Variants in SEMA3G observed in about 807,000 individuals in gnomAD.
SEMA3G encodes semaphorin-3G.
A neutral mutation model predicts 86.2 loss-of-function variants in SEMA3G; 70 were observed. The observed-to-expected ratio is 0.81, with a 90% CI of 0.67 to 0.99. SEMA3G has a LOEUF of 0.99. SEMA3G is among the 50% of genes least tolerant of loss of function. The pLI, the probability that SEMA3G is intolerant of heterozygous loss-of-function variation, is 0.00. For missense variants in SEMA3G, 1,002 were observed against 1,072.4 expected, an observed-to-expected ratio of 0.93 and a Z score of 0.92; for synonymous variants, 416 against 441.4, an observed-to-expected ratio of 0.94 and a Z score of 0.72.
intron 13 of SEMA3G, chr3:52,438,420 T>A: frequency 5.1e-6 from 5 of 985,370 alleles, no homozygotes; most frequent in Non-Finnish European, 6.0e-6. Flanking sequence ...AGACCTGGGA[T>A]GTTTTCTCTA....
chr3:52,435,990 G>A lies in SEMA3G; in HGVS notation c.1962C>T (p.Thr654=), dbSNP rs201353450. The change falls in exon 16 of 16, where the codon ACC becomes ACT. Residue 654 remains threonine (T), a synonymous_variant. Transcript: ENST00000231721. ...AGAAGCCATGCTCCAGAGTGGTGCAGGTGTAGGTGCCCGCATCGAAACGGC... is the reference window on the plus strand; with the variant it reads ...AGAAGCCATGCTCCAGAGTGGTGCAAGTGTAGGTGCCCGCATCGAAACGGC... ...RLSRFDAGTY[T]CTTLEHGFSQ... is the part of the protein sequence containing the mutation. The A allele has an allele frequency of 6.2e-7, 1 of 1,613,940 alleles. No homozygotes were observed. The highest frequency in any genetic ancestry group is 8.5e-7 in the Non-Finnish European group (1 of 1,180,038).
intron 15 of SEMA3G, among the ~76,000 whole-genome samples, chr3:52,436,759 G>T (rs2153229563): frequency 6.6e-6 from 1 of 152,344 alleles, no homozygotes; most frequent in Middle Eastern, 3.4e-3. Flanking sequence ...GGGGTGGATT[G>T]CTTGAGCCAT....
chr3:52,441,816 C>G lies in SEMA3G; in HGVS notation c.550+3G>C, dbSNP rs1559611645. 1 of 1,607,876 alleles carries G rather than the reference C, an allele frequency of 6.2e-7. No individual in the cohort carries two copies. The highest frequency in any genetic ancestry group is 8.5e-7 in the Non-Finnish European group (1 of 1,177,074). ...TTCTCACCCTGGCCTGGGCATCACC[C>G]ACCTATGAAGGTGCTGGCAAAGGGA... is the stretch of plus-strand genomic sequence containing the variant. On this transcript the variant is annotated splice_donor_region_variant and intron_variant, in intron 5 of 15. Coordinates refer to ENST00000231721, the MANE Select transcript of SEMA3G (RefSeq NM_020163.3).
rs1472298459 is a variant in SEMA3G at position 52,440,281 on chromosome 3, C to T, written c.1143+96G>A. 9.5e-6 allele frequency: 13 copies of T among 1,374,056 alleles called. No homozygotes were observed. In the East Asian group the frequency reaches 2.4e-4, roughly 25 times the overall value. The allele number at this position is 1,374,056 out of a possible 1,614,324, so 85.1% of individuals were successfully genotyped here. ...CCCAGGCTTGGCCAACGTCCGCTGC[C>T]GTGGGGGTGCATGGGGACATGAGGC... On this transcript the variant is annotated intron_variant, in intron 10 of 15. Coordinates refer to ENST00000231721, the MANE Select transcript of SEMA3G (RefSeq NM_020163.3).
In SEMA3G at chr3:52,442,752, G is replaced by A. The variant is rs145924362; in HGVS notation, c.271C>T (p.Arg91Trp). Reference sequence around the variant, plus strand: ...TCCCTGCCAGTCCAGCTCACCTCCCGGGGATCTGGCCATGCCTGGTCCAGC... The same window carrying A: ...TCCCTGCCAGTCCAGCTCACCTCCCAGGGATCTGGCCATGCCTGGTCCAGC... ...LRLDQAWPDP[R>W]EVLWPPQPGQ... Residue 91 changes from arginine to tryptophan, a missense_variant, in exon 2 of 16, where the codon CGG becomes TGG. Coordinates refer to ENST00000231721, the MANE Select transcript of SEMA3G (RefSeq NM_020163.3). The surrounding 1 kb of genome is among the most constrained non-coding windows in gnomAD (Gnocchi z 6.1). 1,365 of 1,613,808 alleles carry A rather than the reference G, an allele frequency of 8.5e-4. 1 individual carries two copies. The highest frequency in any genetic ancestry group is 1.0e-3 in the Non-Finnish European group (1,207 of 1,179,866).
rs567932451 is a variant in SEMA3G at position 52,437,398 on chromosome 3, C to A, written c.1878+129G>T. On this transcript the variant is annotated intron_variant, in intron 15 of 15. Transcript: ENST00000231721. ...TTCTAGGCACCCCAGGAGCCTAATA[C>A]AAACTTTTTTTAGGTTAATCTTGGC... The A allele has an allele frequency of 3.6e-5, 39 of 1,082,548 alleles. No individual in the cohort carries two copies. The African/African-American group carries it at 5.7e-4, about 16-fold the overall frequency. The allele number at this position is 1,082,548 out of a possible 1,614,324, so 67.1% of individuals were successfully genotyped here.
At position 52,440,774 on chromosome 3, in the gene SEMA3G, G is replaced by T; in HGVS notation, c.978C>A (p.Tyr326Ter). The T allele has an allele frequency of 6.2e-7, 1 of 1,613,088 alleles. No homozygotes were observed. Among genetic ancestry groups the T allele is most frequent in the Non-Finnish European group, 8.5e-7 (1 of 1,179,974 alleles). Residue 326 changes from tyrosine (Y) to a stop codon, truncating the protein, a stop_gained, in exon 9 of 16, where the codon TAC (tyrosine) becomes TAA (stop). Coordinates refer to ENST00000231721, the MANE Select transcript of SEMA3G (RefSeq NM_020163.3). LOFTEE classifies it high-confidence loss of function. ...CCCACCTGACGGTGCTGAACAGCGC[G>T]TACACCTCGAGGCTCTTCCCGGCCT... Reference protein sequence around the residue: ...WPKAGKSLEVYALFSTVSAVF... With the variant: ...WPKAGKSLEV
Position 52,441,688 on chromosome 3 carries a change from C to T in SEMA3G, c.553G>A (p.Gly185Arg), listed in dbSNP as rs775842371. 6.8e-5 allele frequency: 110 copies of T among 1,612,732 alleles called. No homozygotes were observed. The highest frequency in any genetic ancestry group is 8.6e-5 in the Non-Finnish European group (101 of 1,179,302). ...GCAGTGAGACCCGTGTACAGCTCCC[C>T]GTCTGGGGTGGGGGTTGGGGAACAG... The part of the protein sequence containing the change: ...SRPFASTFID[G>R]ELYTGLTADF... Residue 185 changes from glycine to arginine, a missense_variant and splice_region_variant, in exon 6 of 16, where the codon GGG becomes AGG. Coordinates refer to ENST00000231721, the MANE Select transcript of SEMA3G (RefSeq NM_020163.3).
rs760223237 is a variant in SEMA3G at position 52,435,737 on chromosome 3, C to T, written c.2215G>A (p.Gly739Ser). 20 of 1,613,994 alleles carry T rather than the reference C, an allele frequency of 1.2e-5. No individual in the cohort carries two copies. The East Asian group carries it at 4.2e-4, about 34-fold the overall frequency. Residue 739 changes from glycine to serine, a missense_variant, in exon 16 of 16, where the codon GGC (glycine) becomes AGC (serine). Coordinates refer to ENST00000231721, the MANE Select transcript of SEMA3G (RefSeq NM_020163.3). ...VWCRGTTECS[G>S]CFRSRSRGKQ... ...CCCCGGCTCCGGCTCCGGAAGCAGC[C>T]TGAGCATTCCGTGGTGCCCCTGCAC...
At chr3:52,443,003 C>G (rs1376783871) in intron 1 of SEMA3G, 96 bp from the exon 2 acceptor site, 1 of 1,546,430 alleles carries the variant, frequency 6.5e-7, no homozygotes, top group Non-Finnish European at 8.7e-7. Flanking sequence ...GCATCCACCC[C>G]TGACACACTC....
chr3:52,437,247 A>C (rs2153229574), intron 15 of SEMA3G, among the ~76,000 whole-genome samples: 1 of 152,238 alleles, frequency 6.6e-6, no homozygotes, highest in Non-Finnish European at 1.5e-5. Context: ...CATGTGTGTA[A>C]ACATGGGAGA....
In SEMA3G at chr3:52,443,091, G is replaced by A. The variant is rs1232426560; in HGVS notation, c.116-184C>T. On this transcript the variant is annotated intron_variant, in intron 1 of 15. Coordinates refer to ENST00000231721, the MANE Select transcript of SEMA3G (RefSeq NM_020163.3). ...GCTCCTGGGGACAGGTGGGACGGGA[G>A]GCTCAGAGCCTCCCACCTGGCCCAG... 4 of 1,522,460 alleles carry A rather than the reference G, an allele frequency of 2.6e-6. No individual in the cohort carries two copies. The South Asian group carries it at 3.6e-5, about 14-fold the overall frequency. 94.3% of individuals were successfully genotyped at this position (1,522,460 alleles called of 1,614,324 possible). A position where few individuals can be genotyped will look rare whatever the true frequency, so the allele number is the denominator to read the frequency against.
Position 52,441,056 on chromosome 3 carries a change from A to G in SEMA3G, c.814-8T>C, listed in dbSNP as rs747859673. 3.1e-5 allele frequency: 49 copies of G among 1,585,882 alleles called. No individual in the cohort carries two copies. Among genetic ancestry groups the G allele is most frequent in the Admixed American group, 1.0e-4 (6 of 58,782 alleles). ...CTGGCCCCCAGCATCATTCTGCAGG[A>G]TAAGGGGCCAGAGTCACGCTTGGGC... On this transcript the variant is annotated splice_region_variant and splice_polypyrimidine_tract_variant and intron_variant, in intron 7 of 15. Transcript: ENST00000231721.
Position 52,445,092 on chromosome 3 carries a change from CG to C in SEMA3G, c.-66del, listed in dbSNP as rs1559613596. 6 of 1,251,288 alleles carry C rather than the reference CG, an allele frequency of 4.8e-6. No individual in the cohort carries two copies. The Admixed American group carries it at 2.5e-4, about 53-fold the overall frequency. 77.5% of individuals were successfully genotyped at this position (1,251,288 alleles called of 1,614,324 possible). On this transcript the variant is annotated 5_prime_UTR_variant, in exon 1 of 16. Transcript: ENST00000231721. ...GCCGCCCTCTGGTCCCGCTGGCCGC[CG>C]GTTGTAGTTTGCTCTGCTGCCACCA...
chr3:52,435,325 AG>A lies in SEMA3G; in HGVS notation c.*277del, dbSNP rs1221828529. ...CACCCGGAAATGTGTTGCGGAAGCC[AG>A]GCCATCTCTGAGAACAAATGGCAGA... On this transcript the variant is annotated 3_prime_UTR_variant, in exon 16 of 16. Coordinates refer to ENST00000231721, the MANE Select transcript of SEMA3G (RefSeq NM_020163.3). 7.9e-6 allele frequency: 4 copies of A among 504,230 alleles called. No individual in the cohort carries two copies. Among genetic ancestry groups the A allele is most frequent in the Non-Finnish European group, 1.1e-5 (3 of 280,830 alleles). The allele number at this position is 504,230 out of a possible 1,614,324, so 31.2% of individuals were successfully genotyped here.
chr3:52,434,330 T>G lies in SEMA3G; in HGVS notation c.*1273A>C, dbSNP rs1478123367. 1 of 152,132 alleles carries G rather than the reference T, an allele frequency of 6.6e-6. No individual in the cohort carries two copies. The highest frequency in any genetic ancestry group is 1.5e-5 in the Non-Finnish European group (1 of 68,018). The allele number at this position is 152,132 out of a possible 1,614,324, so 9.4% of individuals were successfully genotyped here. ...GCCCAGGCAGAACGCGTCCTTGCCA[T>G]CCGAGCCTTACCCCCGAGAATCAGC... is the stretch of plus-strand genomic sequence containing the variant. On this transcript the variant is annotated 3_prime_UTR_variant, in exon 16 of 16. Coordinates refer to ENST00000231721, the MANE Select transcript of SEMA3G (RefSeq NM_020163.3). The surrounding 1 kb of genome is among the most constrained non-coding windows in gnomAD (Gnocchi z 5.2).
intron 14 of SEMA3G, 63 bp from the exon 15 acceptor site, chr3:52,437,729 C>A (rs1454858975): frequency 6.4e-7 from 1 of 1,550,512 alleles, no homozygotes; most frequent in Admixed American, 1.8e-5. Flanking sequence ...AGTGCCACCA[C>A]CTGACACCAC....
At position 52,435,411 on chromosome 3, in the gene SEMA3G, GA is replaced by G; in HGVS notation, c.*191del. 1.6e-6 allele frequency: 1 copy of G among 609,456 alleles called. No individual in the cohort carries two copies. Among genetic ancestry groups the G allele is most frequent in the Non-Finnish European group, 2.9e-6 (1 of 346,846 alleles). The allele number at this position is 609,456 out of a possible 1,614,324, so 37.8% of individuals were successfully genotyped here. ...CTCCAGCTGGGTCTAAGAGCACAGA[GA>G]AGGGCAGGGAACAGGCTTCAAGAAC... is the stretch of plus-strand genomic sequence containing the variant. On this transcript the variant is annotated 3_prime_UTR_variant, in exon 16 of 16. Transcript: ENST00000231721.
At chr3:52,441,096 TC>T in intron 7 of SEMA3G, 48 bp from the exon 8 acceptor site, 1 of 1,476,484 alleles carries the variant, frequency 6.8e-7, no homozygotes, top group Non-Finnish European at 9.2e-7. Context: ...CGAGGATGGG[TC>T]CCACCATCCA....
Sources: allele counts gnomAD v4.1 joint callset (sites outside exome capture counted in the v4.1 genomes callset), GRCh38; gene constraint gnomAD v4.1.1; non-coding constraint Gnocchi (gnomAD v3.1); transcripts MANE v1.5; gene names NCBI Gene and HGNC (gene_info 2026-07-23, HGNC 2026-07-21).